CLDN14: variants seen among roughly 807,000 people sequenced by gnomAD.
CLDN14 encodes claudin 14, also known as claudin-14.
Under a neutral mutation model 2.1 loss-of-function variants are expected in CLDN14, and 2 were observed. The ratio of observed to expected loss-of-function variants is 0.96; its 90% CI spans 0.39 to 3.01. CLDN14 has a LOEUF of 3.01. CLDN14 is among the 30% of genes most tolerant of loss of function. The probability of loss-of-function intolerance (pLI) is 0.09; values close to 1 mark genes in which losing one functional copy is unlikely to be tolerated. For missense variants in CLDN14, 298 were observed against 328.0 expected (o/e 0.91, Z 0.71); for synonymous variants, 136 against 154.4 (o/e 0.88, Z 0.88).
At chr21:36,574,915 TC>T (rs2087731403) in intron 1 of CLDN14, among the ~76,000 whole-genome samples, 1 of 152,100 alleles carries the variant, frequency 6.6e-6, no homozygotes, top group African/African-American at 2.4e-5. Context: ...AATGCTTCCT[TC>T]CCTCCACCCC....
intron 2 of CLDN14, among the ~76,000 whole-genome samples, chr21:36,501,677 C>A (rs2087093621): frequency 6.6e-6 from 1 of 152,142 alleles, no homozygotes; most frequent in Non-Finnish European, 1.5e-5. Flanking sequence ...CAAACTCACA[C>A]GTTCAACCCA....
intron 1 of CLDN14, among the ~76,000 whole-genome samples, chr21:36,547,964 A>G (rs2087536876): frequency 6.6e-6 from 1 of 152,240 alleles, no homozygotes; most frequent in Non-Finnish European, 1.5e-5. Context: ...TGGCGGTGTC[A>G]CTTCCATTCT....
At position 36,474,630 on chromosome 21, in the gene CLDN14, C is replaced by T. The variant is rs987001308; in HGVS notation, c.-82+4865G>A. ...CCCATCCCGCCACCCAGAACAACAC[C>T]GATAACAAAAAACTAAACCAAAAGA... On this transcript the variant is annotated intron_variant, in intron 1 of 1. Coordinates refer to ENST00000399135, the MANE Select transcript of CLDN14 (RefSeq NM_001146079.2). Among the ~76,000 whole-genome samples, 7 of 152,110 alleles carry T rather than the reference C, an allele frequency of 4.6e-5. No homozygotes were observed. The East Asian group carries it at 9.6e-4, about 21-fold the overall frequency.
At chr21:36,513,567 G>A (rs868590443) in intron 1 of CLDN14, among the ~76,000 whole-genome samples, 3 of 152,152 alleles carry the variant, frequency 2.0e-5, no homozygotes, top group South Asian at 2.1e-4. Context: ...GTCACAGGAA[G>A]CCCTGTTTGT....
Position 36,498,533 on chromosome 21 carries a change from A to G in CLDN14, c.-82+11830T>C, listed in dbSNP as rs959643085. Among the ~76,000 whole-genome samples the G allele has an allele frequency of 6.6e-6, 1 of 152,186 alleles. No homozygotes were observed. The highest frequency in any genetic ancestry group is 2.4e-5 in the African/African-American group (1 of 41,446). On this transcript the variant is annotated intron_variant, in intron 2 of 2. Coordinates refer to the CLDN14 transcript ENST00000342108. This position sits in a 1 kb window ranked among gnomAD's most constrained non-coding sequence, Gnocchi z 4.9. ...TAGGAGATTTCCAGTCTCAGATTGG[A>G]TACATGCACTTAATATCAGCAGACT... is the stretch of plus-strand genomic sequence containing the variant.
At chr21:36,471,165 C>T (rs1054621526) in intron 1 of CLDN14, among the ~76,000 whole-genome samples, 2 of 151,988 alleles carry the variant, frequency 1.3e-5, no homozygotes, top group East Asian at 1.9e-4. Flanking sequence ...TCCAGGAGTT[C>T]GAGGCCATTC....
chr21:36,487,334 C>T, intron 2 of CLDN14: 1 of 236,436 alleles, frequency 4.2e-6, no homozygotes, highest in Non-Finnish European at 8.6e-6. Flanking sequence ...GCTGGGCCTG[C>T]AGCTGGGTGG....
chr21:36,502,895 A>G (rs909645178), intron 2 of CLDN14, among the ~76,000 whole-genome samples: 17 of 152,230 alleles, frequency 1.1e-4, no homozygotes, highest in African/African-American at 4.1e-4. Context: ...ACATTAGAAC[A>G]CTTGGGAAGC....
At chr21:36,548,490 C>T (rs2087539882) in intron 1 of CLDN14, among the ~76,000 whole-genome samples, 1 of 152,176 alleles carries the variant, frequency 6.6e-6, no homozygotes, top group South Asian at 2.1e-4. Flanking sequence ...CGAGGGAATC[C>T]TGGAAGAGCA....
chr21:36,559,003 G>T (rs1277428325), intron 1 of CLDN14, among the ~76,000 whole-genome samples: 1 of 152,048 alleles, frequency 6.6e-6, no homozygotes, highest in Non-Finnish European at 1.5e-5. Flanking sequence ...CTCTTACAAG[G>T]ACTTCCTGTA....
intron 1 of CLDN14, among the ~76,000 whole-genome samples, chr21:36,522,192 C>T (rs2087276434): frequency 6.6e-6 from 1 of 152,132 alleles, no homozygotes; most frequent in Non-Finnish European, 1.5e-5. Context: ...ATAATCAAGG[C>T]AGCCACACCC....
intron 2 of CLDN14, chr21:36,486,367 C>T (rs1212233103): frequency 2.2e-6 from 2 of 905,280 alleles, no homozygotes; most frequent in Non-Finnish European, 3.7e-6. Flanking sequence ...GCAATCCTGG[C>T]CTCAGCAGCA....
At chr21:36,489,126 A>AAAAT (rs1367152667) in intron 2 of CLDN14, among the ~76,000 whole-genome samples, 41 of 85,036 alleles carry the variant, frequency 4.8e-4, no homozygotes, top group South Asian at 1.3e-3. Flanking sequence ...AGAAAAAAAA[A>AAAAT]AAAAAATATA....
chr21:36,555,981 C>T (rs1290333015), intron 1 of CLDN14, among the ~76,000 whole-genome samples: 1 of 152,104 alleles, frequency 6.6e-6, no homozygotes, highest in Non-Finnish European at 1.5e-5. Flanking sequence ...TTTCCCATCC[C>T]ACATATCAGT....
At chr21:36,535,740 T>C (rs895935859) in intron 1 of CLDN14, among the ~76,000 whole-genome samples, 2 of 152,168 alleles carry the variant, frequency 1.3e-5, no homozygotes, top group African/African-American at 4.8e-5. Flanking sequence ...GGGAATTTTT[T>C]CTCTGTGGCC....
At chr21:36,571,370 C>T (rs1376935020) in intron 1 of CLDN14, among the ~76,000 whole-genome samples, 1 of 152,148 alleles carries the variant, frequency 6.6e-6, no homozygotes, top group Non-Finnish European at 1.5e-5. Flanking sequence ...AATGAAGGTG[C>T]TTTTAAAACC....
chr21:36,478,654 G>A (rs1290003741), intron 1 of CLDN14, among the ~76,000 whole-genome samples: 1 of 152,226 alleles, frequency 6.6e-6, no homozygotes, highest in East Asian at 1.9e-4. Flanking sequence ...ATGATGAACT[G>A]TCCTCTGGTT....
chr21:36,475,288 C>T (rs1395022216), intron 1 of CLDN14, among the ~76,000 whole-genome samples: 3 of 152,150 alleles, frequency 2.0e-5, no homozygotes, highest in African/African-American at 4.8e-5. Flanking sequence ...AACATCATGG[C>T]GGGCCGTGGC....
rs568479382 is a variant in CLDN14, at chr21:36,467,882, C to T, written c.-81-6106G>A. On this transcript the variant is annotated intron_variant, in intron 1 of 1. Coordinates refer to ENST00000399135, the MANE Select transcript of CLDN14 (RefSeq NM_001146079.2). Reference sequence around the variant, plus strand: ...AGATGGGAGGGGTGGAGGACATCAGCGGGGAGCTGGGGCACAAGCCAGGTG... The same window carrying T: ...AGATGGGAGGGGTGGAGGACATCAGTGGGGAGCTGGGGCACAAGCCAGGTG... Among the ~76,000 whole-genome samples the T allele has an allele frequency of 4.6e-5, 7 of 152,214 alleles. No individual in the cohort carries two copies. In the East Asian group the frequency reaches 5.8e-4, roughly 13 times the overall value.
Sources: allele counts gnomAD v4.1 joint callset (sites outside exome capture counted in the v4.1 genomes callset), GRCh38; gene constraint gnomAD v4.1.1; non-coding constraint Gnocchi (gnomAD v3.1); transcripts MANE v1.5; gene names NCBI Gene and HGNC (gene_info 2026-07-23, HGNC 2026-07-21).